Variants in SLC4A4 observed in about 807,000 individuals in gnomAD.
SLC4A4 encodes solute carrier family 4 member 4.
In SLC4A4, 27 loss-of-function variants were observed where a neutral mutation model predicts 111.5. The ratio of observed to expected loss-of-function variants is 0.24; its 90% CI spans 0.18 to 0.33. The LOEUF (loss-of-function observed/expected upper bound fraction) is 0.33. Among genes scored for constraint, SLC4A4 ranks in the 10% least tolerant of loss-of-function variants. SLC4A4 has a pLI of 1.00. For missense variants in SLC4A4, 909 were observed against 1,315.5 expected, an observed-to-expected ratio of 0.69 and a Z score of 4.78; for synonymous variants, 443 against 463.4, an observed-to-expected ratio of 0.96 and a Z score of 0.57.
rs142819443 is a variant in SLC4A4 at position 71,276,776 on chromosome 4, G to C, written c.253+21377G>C. On this transcript the variant is annotated intron_variant, in intron 3 of 25. Transcript: ENST00000264485. ...TGAAATAAAGCTGCTGGCCAGGTGT[G>C]GTGGCTCACGCTTGTAGTCCCAGCA... Among the ~76,000 whole-genome samples, 83 of 152,220 alleles carry C rather than the reference G, an allele frequency of 5.5e-4. No homozygotes were observed. In the East Asian group the frequency reaches 0.015, roughly 27 times the overall value.
Position 71,432,283 on chromosome 4 carries a change from A to C in SLC4A4, c.808-8333A>C, listed in dbSNP as rs528641440. Among the ~76,000 whole-genome samples, 7 of 152,186 alleles carry C rather than the reference A, an allele frequency of 4.6e-5. No individual in the cohort carries two copies. In the South Asian group the frequency reaches 1.5e-3, roughly 32 times the overall value. ...TGGGAAGTAAAATCAGATTATTAGA[A>C]AGCTTTGTGTTCTGTGTTAATAACG... On this transcript the variant is annotated intron_variant, in intron 7 of 25. Coordinates refer to ENST00000264485, the MANE Select transcript of SLC4A4 (RefSeq NM_001098484.3).
chr4:71,187,964 G>A (rs1286010123), intron 1 of SLC4A4, among the ~76,000 whole-genome samples: 1 of 152,238 alleles, frequency 6.6e-6, no homozygotes, highest in Non-Finnish European at 1.5e-5. Context: ...TCTGCAAGTG[G>A]CACACACACA....
intron 14 of SLC4A4, among the ~76,000 whole-genome samples, chr4:71,479,615 G>A (rs1728685473): frequency 6.6e-6 from 1 of 151,598 alleles, no homozygotes; most frequent in South Asian, 2.1e-4. Context: ...TATTTTTATT[G>A]TGTGCCATTC....
At position 71,569,076 on chromosome 4, in the gene SLC4A4, T is replaced by C. The variant is rs1181963502; in HGVS notation, c.*1325T>C. ...CTCTGTGCCATGGCTGGTGTATATA[T>C]GTGCAATGTTAGAAGGCAAAAGAGT... On this transcript the variant is annotated 3_prime_UTR_variant, in exon 26 of 26. Transcript: ENST00000264485. 1 of 151,690 alleles carries C rather than the reference T, an allele frequency of 6.6e-6. No individual in the cohort carries two copies. Among genetic ancestry groups the C allele is most frequent in the Non-Finnish European group, 1.5e-5 (1 of 67,768 alleles). The allele number at this position is 151,690 out of a possible 1,614,324, so 9.4% of individuals were successfully genotyped here.
At chr4:71,530,263 A>G (rs1733800355) in intron 16 of SLC4A4, among the ~76,000 whole-genome samples, 1 of 152,138 alleles carries the variant, frequency 6.6e-6, no homozygotes, top group African/African-American at 2.4e-5. Context: ...ACAATAATTA[A>G]CTTATATTAG....
At position 71,423,904 on chromosome 4, in the gene SLC4A4, G is replaced by A. The variant is rs149549581; in HGVS notation, c.808-16712G>A. ...ATAAAAACCCTAGAAGAACGCCTAG[G>A]CATTACCATTCAGGACATAGGCATG... On this transcript the variant is annotated intron_variant, in intron 7 of 25. Transcript: ENST00000264485. Among the ~76,000 whole-genome samples, 22 of 152,196 alleles carry A rather than the reference G, an allele frequency of 1.4e-4. 1 individual carries two copies. In the East Asian group the frequency reaches 3.3e-3, roughly 23 times the overall value.
intron 2 of SLC4A4, among the ~76,000 whole-genome samples, chr4:71,121,041 G>A (rs530038374): frequency 1.5e-3 from 230 of 152,326 alleles, no homozygotes; most frequent in African/African-American, 4.8e-3. Flanking sequence ...TGGCGCCGCC[G>A]GCCCAGGGCA....
rs530959598 is a variant in SLC4A4 at position 71,088,230 on chromosome 4, C to T, written c.-64-4500C>T. On this transcript the variant is annotated intron_variant, in intron 1 of 26. Coordinates refer to the SLC4A4 transcript ENST00000649996. Reference sequence around the variant, plus strand: ...TTATCAGAGACTCGGATTGCAATACCTGCCTTTTTTTTTTTCCATTTGCTT... The same window carrying T: ...TTATCAGAGACTCGGATTGCAATACTTGCCTTTTTTTTTTTCCATTTGCTT... Among the ~76,000 whole-genome samples, 8 of 146,694 alleles carry T rather than the reference C, an allele frequency of 5.5e-5. 1 individual carries two copies. Among genetic ancestry groups the T allele is most frequent in the African/African-American group, 1.8e-4 (7 of 38,300 alleles).
intron 6 of SLC4A4, among the ~76,000 whole-genome samples, chr4:71,376,182 C>CACACACAT (rs2148941662): frequency 6.7e-6 from 1 of 150,202 alleles, no homozygotes; most frequent in Admixed American, 6.6e-5. Flanking sequence ...CACACACACA[C>CACACACAT]ACACACACAC....
chr4:71,479,431 G>A (rs962828073), intron 14 of SLC4A4, among the ~76,000 whole-genome samples: 10 of 151,540 alleles, frequency 6.6e-5, no homozygotes, highest in African/African-American at 1.5e-4. Flanking sequence ...ATTAATAAGC[G>A]CTGTGCAACA....
At chr4:71,166,266 T>C (rs1744741963) in intron 2 of SLC4A4, among the ~76,000 whole-genome samples, 1 of 152,182 alleles carries the variant, frequency 6.6e-6, no homozygotes, top group South Asian at 2.1e-4. Flanking sequence ...GCAAAACAAA[T>C]TGACTTTATT....
Position 71,217,510 on chromosome 4 carries a change from C to T in SLC4A4, c.-1-19066C>T, listed in dbSNP as rs571765172. Among the ~76,000 whole-genome samples the T allele has an allele frequency of 1.3e-4, 20 of 152,274 alleles. No homozygotes were observed. The South Asian group carries it at 3.9e-3, about 30-fold the overall frequency. On this transcript the variant is annotated intron_variant, in intron 1 of 25. Coordinates refer to ENST00000264485, the MANE Select transcript of SLC4A4 (RefSeq NM_001098484.3). Reference sequence around the variant, plus strand: ...CCTGGGAGGTGGAGATTGTCATGAGCTGAGATCGTGTCACTGCACTCCAGC... The same window carrying T: ...CCTGGGAGGTGGAGATTGTCATGAGTTGAGATCGTGTCACTGCACTCCAGC...
Position 71,451,205 on chromosome 4 carries a change from G to A in SLC4A4, c.1226G>A (p.Gly409Asp). Residue 409 changes from glycine (G) to aspartate (D), a missense_variant, in exon 11 of 26, where the codon GGT (glycine) becomes GAT (aspartate). Around this residue, in one of 7 missense-constraint regions of SLC4A4, gnomAD observed 312 missense variants for 402.0 expected, o/e 0.78. Coordinates refer to ENST00000264485, the MANE Select transcript of SLC4A4 (RefSeq NM_001098484.3). Reference sequence around the variant, plus strand: ...TTGCTTAGAAAGAATATGTACTCAGGTGGAGAGAATGTTCAGATGAATGGG... The same window carrying A: ...TTGCTTAGAAAGAATATGTACTCAGATGGAGAGAATGTTCAGATGAATGGG... ...SSDKRKNMYS[G>D]GENVQMNGDT... 6.2e-6 allele frequency: 10 copies of A among 1,606,954 alleles called. No individual in the cohort carries two copies. The highest frequency in any genetic ancestry group is 8.5e-6 in the Non-Finnish European group (10 of 1,173,530).
chr4:71,406,111 T>G (rs1037569557), intron 7 of SLC4A4, among the ~76,000 whole-genome samples: 8 of 152,090 alleles, frequency 5.3e-5, no homozygotes, highest in African/African-American at 1.9e-4. Context: ...GTTGGACAAG[T>G]GTTCCCTTTG....
intron 2 of SLC4A4, among the ~76,000 whole-genome samples, chr4:71,148,315 T>C (rs1744232230): frequency 6.6e-6 from 1 of 152,204 alleles, no homozygotes; most frequent in Admixed American, 6.5e-5. Context: ...CGAGCTCTTC[T>C]GGGACCTTGT....
chr4:71,278,802 A>G (rs987517656), intron 3 of SLC4A4, among the ~76,000 whole-genome samples: 8 of 152,118 alleles, frequency 5.3e-5, no homozygotes, highest in Non-Finnish European at 1.0e-4. Context: ...TGTCATTATT[A>G]TTATTGTTAT....
intron 2 of SLC4A4, among the ~76,000 whole-genome samples, chr4:71,163,816 G>C (rs1471259834): frequency 6.6e-6 from 1 of 152,186 alleles, no homozygotes; most frequent in Non-Finnish European, 1.5e-5. Flanking sequence ...GGCTGGCAAA[G>C]CCCAAAACAT....
chr4:71,507,930 G>C (rs2149169163), intron 16 of SLC4A4, among the ~76,000 whole-genome samples: 1 of 152,262 alleles, frequency 6.6e-6, no homozygotes, highest in Non-Finnish European at 1.5e-5. Context: ...TCAGGATTAA[G>C]AAATTCACTC....
intron 2 of SLC4A4, among the ~76,000 whole-genome samples, chr4:71,108,819 T>G (rs1578488020): frequency 6.6e-6 from 1 of 152,128 alleles, no homozygotes; most frequent in East Asian, 1.9e-4. Context: ...ACTTCAGAAT[T>G]TCTTTTTGGT....
Sources: allele counts gnomAD v4.1 joint callset (sites outside exome capture counted in the v4.1 genomes callset), GRCh38; gene constraint gnomAD v4.1.1; regional missense constraint gnomAD v4.1.1; transcripts MANE v1.5; gene names NCBI Gene and HGNC (gene_info 2026-07-23, HGNC 2026-07-21).